The following SYT14 variants were observed in gnomAD, a reference collection of about 807,000 sequenced individuals.
SYT14 encodes synaptotagmin 14.
A neutral mutation model predicts 74.2 loss-of-function variants in SYT14; 32 were observed. The observed-to-expected ratio is 0.43, with a 90% CI of 0.33 to 0.58. The LOEUF (loss-of-function observed/expected upper bound fraction) is 0.58, where lower values mean the gene tolerates loss of function less well. SYT14 is among the 20% of genes least tolerant of loss of function. SYT14 has a pLI of 0.05. For synonymous variants in SYT14, 298 were observed against 337.7 expected, an observed-to-expected ratio of 0.88 and a Z score of 1.29; for missense variants, 791 against 981.8, an observed-to-expected ratio of 0.81 and a Z score of 2.60.
intron 2 of SYT14, among the ~76,000 whole-genome samples, chr1:209,988,916 G>A (rs1452006288): frequency 5.3e-5 from 8 of 151,972 alleles, no homozygotes; most frequent in African/African-American, 1.7e-4. Flanking sequence ...TTTTTATTCC[G>A]GGACTCAGCC....
intron 2 of SYT14, among the ~76,000 whole-genome samples, chr1:209,953,902 G>C (rs989257644): frequency 6.6e-6 from 1 of 152,150 alleles, no homozygotes; most frequent in African/African-American, 2.4e-5. Flanking sequence ...TATAACTATT[G>C]TTGATTTGTG....
chr1:210,015,852 A>G (rs1242824344), exon 4 of SYT14: 9 of 1,211,508 alleles, frequency 7.4e-6, no homozygotes, highest in Non-Finnish European at 8.2e-6. Flanking sequence ...TAATGTATTT[A>G]CAGAAAGATT....
exon 10 of SYT14, chr1:210,169,225 T>TTC (rs2083493637): frequency 9.7e-6 from 1 of 103,248 alleles, no homozygotes; most frequent in Non-Finnish European, 1.8e-5. Flanking sequence ...TTTGGTGTTT[T>TTC]TTTTTTTTTT....
rs1473502076 is a variant in SYT14 at position 210,121,656 on chromosome 1, T to A, written c.2034+21195T>A. On this transcript the variant is annotated intron_variant, in intron 7 of 9. Coordinates refer to ENST00000637265, the Ensembl canonical transcript of SYT14. Reference sequence around the variant, plus strand: ...AAAAATACAAAAAATTAGCCAGGCGTGGTGGCGGGCGCCTGTAGTCCCAGC... The same window carrying A: ...AAAAATACAAAAAATTAGCCAGGCGAGGTGGCGGGCGCCTGTAGTCCCAGC... Among the ~76,000 whole-genome samples the A allele has an allele frequency of 2.0e-5, 3 of 151,942 alleles. No individual in the cohort carries two copies. In the East Asian group the frequency reaches 5.8e-4, roughly 29 times the overall value.
intron 7 of SYT14, among the ~76,000 whole-genome samples, chr1:210,134,724 T>C (rs1335097861): frequency 6.6e-6 from 1 of 152,188 alleles, no homozygotes; most frequent in Non-Finnish European, 1.5e-5. Flanking sequence ...ACAGTACCAC[T>C]GTAAAACTGT....
chr1:210,010,327 T>G (rs1371310887), intron 2 of SYT14, among the ~76,000 whole-genome samples: 2 of 152,184 alleles, frequency 1.3e-5, no homozygotes, highest in African/African-American at 4.8e-5. Context: ...TCCATCCATT[T>G]GTCCACAGAT....
At chr1:209,939,550 A>G (rs1334310719) in intron 1 of SYT14, among the ~76,000 whole-genome samples, 2 of 152,218 alleles carry the variant, frequency 1.3e-5, no homozygotes, top group South Asian at 2.1e-4. Context: ...GGTGGGGAAT[A>G]AGATCTACCT....
At chr1:210,151,715 G>A (rs2083168024) in intron 7 of SYT14, among the ~76,000 whole-genome samples, 1 of 152,146 alleles carries the variant, frequency 6.6e-6, no homozygotes, top group East Asian at 1.9e-4. Flanking sequence ...ATAGTTTCTT[G>A]TGTTATGTAA....
At chr1:210,162,991 A>C in exon 10 of SYT14, 1 of 453,258 alleles carries the variant, frequency 2.2e-6, no homozygotes, top group Admixed American at 2.4e-5. Context: ...TATCTCATTT[A>C]AGTGTTTTCA....
intron 7 of SYT14, among the ~76,000 whole-genome samples, chr1:210,153,015 C>G (rs1206512551): frequency 6.6e-6 from 1 of 152,106 alleles, no homozygotes; most frequent in African/African-American, 2.4e-5. Context: ...TGTATGAACT[C>G]AGTACAAACT....
chr1:210,028,611 T>C (rs1435658501), intron 5 of SYT14, among the ~76,000 whole-genome samples: 2 of 152,204 alleles, frequency 1.3e-5, no homozygotes, highest in Admixed American at 6.6e-5. Context: ...TATTCTTCCT[T>C]TTTAAAGCTG....
chr1:210,118,544 C>G (rs1271569744), intron 7 of SYT14, among the ~76,000 whole-genome samples: 1 of 152,040 alleles, frequency 6.6e-6, no homozygotes, highest in Admixed American at 6.6e-5. Flanking sequence ...ATGGCGTGGT[C>G]TCGGCTCACT....
intron 1 of SYT14, among the ~76,000 whole-genome samples, chr1:209,944,222 C>T: frequency 6.6e-6 from 1 of 152,054 alleles, no homozygotes; most frequent in East Asian, 1.9e-4. Context: ...TGTCAGTTGA[C>T]TAGAAAATTC....
intron 5 of SYT14, among the ~76,000 whole-genome samples, chr1:210,067,603 C>T (rs929879657): frequency 2.6e-5 from 4 of 151,710 alleles, no homozygotes; most frequent in Admixed American, 6.6e-5. Context: ...CTATATATCA[C>T]CATATTCTAG....
rs2083288182 is a variant in SYT14 at position 210,157,303 on chromosome 1, A to T, written c.2224+1393A>T. ...CAAAAAATTTAAAAATTAGTCAGGC[A>T]TGGTGGCTTGAGACTGTAGTGCCAG... On this transcript the variant is annotated intron_variant, in intron 8 of 9. Transcript: ENST00000637265. Among the ~76,000 whole-genome samples, 8 of 151,908 alleles carry T rather than the reference A, an allele frequency of 5.3e-5. No individual in the cohort carries two copies. The South Asian group carries it at 1.7e-3, about 32-fold the overall frequency.
At chr1:210,154,003 G>A (rs2083219941) in intron 7 of SYT14, among the ~76,000 whole-genome samples, 1 of 152,110 alleles carries the variant, frequency 6.6e-6, no homozygotes, top group Admixed American at 6.5e-5. Flanking sequence ...AATTCTTAAA[G>A]GAAGTTGAGG....
At chr1:210,016,097 G>T (rs1290023378) in exon 4 of SYT14, 39 of 1,232,038 alleles carry the variant, frequency 3.2e-5, no homozygotes, top group Non-Finnish European at 3.8e-5. Flanking sequence ...GACCACTGCT[G>T]TTGGGGAGGT....
At chr1:210,042,245 A>G (rs2080804936) in intron 5 of SYT14, among the ~76,000 whole-genome samples, 1 of 151,664 alleles carries the variant, frequency 6.6e-6, no homozygotes, top group South Asian at 2.1e-4. Context: ...ATTTCCTAAA[A>G]CCAAAAGCAC....
chr1:210,122,722 A>G (rs1001667038), intron 7 of SYT14, among the ~76,000 whole-genome samples: 5 of 152,132 alleles, frequency 3.3e-5, no homozygotes, highest in African/African-American at 1.2e-4. Flanking sequence ...CTTACTTCTG[A>G]TCTTAAAAGC....
Sources: gnomAD v4.1 joint callset for allele counts (sites outside exome capture counted in the v4.1 genomes callset) on GRCh38, gnomAD v4.1.1 for gene constraint, MANE v1.5 for transcripts, NCBI Gene and HGNC (gene_info 2026-07-23, HGNC 2026-07-21) for gene names.